Variants in SMIM35 observed in about 807,000 individuals in gnomAD.
SMIM35 encodes the protein TMPRSS4 antisense RNA 1 (non-protein coding).
At chr11:118,028,951 GA>G (rs1211407384) in intron 1 of SMIM35, 1 of 398,168 alleles carries the variant, frequency 2.5e-6, no homozygotes, top group Non-Finnish European at 5.0e-6. Flanking sequence ...AGGAGGAGGA[GA>G]AATTCGTGGC....
chr11:118,032,460 A>ACACCTTAT (rs1445964206), intron 1 of SMIM35, among the ~76,000 whole-genome samples: 1 of 152,248 alleles, frequency 6.6e-6, no homozygotes, highest in Non-Finnish European at 1.5e-5. Context: ...ATGTATATAT[A>ACACCTTAT]CACCTTATTC....
intron 1 of SMIM35, among the ~76,000 whole-genome samples, chr11:118,036,162 C>T (rs1403044966): frequency 5.3e-5 from 8 of 152,340 alleles, no homozygotes; most frequent in Non-Finnish European, 2.9e-5. Flanking sequence ...GCTGGGATTA[C>T]AGGCATGAGC....
chr11:118,062,975 G>A (rs1336083298), intron 1 of SMIM35, among the ~76,000 whole-genome samples: 2 of 152,122 alleles, frequency 1.3e-5, no homozygotes, highest in East Asian at 3.8e-4. Context: ...CCAAGATGGC[G>A]ACAAGAGTGA....
intron 1 of SMIM35, among the ~76,000 whole-genome samples, chr11:118,065,642 T>C (rs773003219): frequency 1.1e-4 from 17 of 152,184 alleles, no homozygotes; most frequent in Non-Finnish European, 1.9e-4. Flanking sequence ...ATCAGACTGA[T>C]TGTGGTCCTC....
intron 1 of SMIM35, chr11:118,028,873 T>C (rs1243818482): frequency 4.8e-6 from 2 of 415,652 alleles, no homozygotes; most frequent in Non-Finnish European, 9.6e-6. Context: ...AAGAAAAAAG[T>C]TGGGGGAGAA....
intron 1 of SMIM35, among the ~76,000 whole-genome samples, chr11:118,046,676 A>G (rs1944101215): frequency 6.6e-6 from 1 of 152,106 alleles, no homozygotes; most frequent in South Asian, 2.1e-4. Flanking sequence ...CCTGGGACCC[A>G]CTCCAGACCT....
intron 1 of SMIM35, among the ~76,000 whole-genome samples, chr11:118,040,979 A>G (rs1250410773): frequency 6.6e-6 from 1 of 151,732 alleles, no homozygotes; most frequent in East Asian, 1.9e-4. Flanking sequence ...TGTATACCAT[A>G]TATAACAATA....
At chr11:118,030,570 C>T (rs992716497) in intron 1 of SMIM35, among the ~76,000 whole-genome samples, 7 of 152,154 alleles carry the variant, frequency 4.6e-5, no homozygotes, top group Admixed American at 3.9e-4. Context: ...GGTGGAGTGG[C>T]ACTATGGTGG....
intron 1 of SMIM35, among the ~76,000 whole-genome samples, chr11:118,079,770 C>G (rs1384231724): frequency 6.6e-6 from 1 of 152,150 alleles, no homozygotes; most frequent in Non-Finnish European, 1.5e-5. Flanking sequence ...CAGTCAGGAG[C>G]CAGCCTGCGG....
chr11:118,014,850 G>C, intron 2 of SMIM35, 109 bp from the exon 3 acceptor site: 1 of 397,266 alleles, frequency 2.5e-6, no homozygotes, highest in Non-Finnish European at 4.4e-6. Context: ...GAGTAGGGTG[G>C]CTGGGCTGGA....
intron 1 of SMIM35, among the ~76,000 whole-genome samples, chr11:118,047,041 C>G (rs1944108379): frequency 6.6e-6 from 1 of 152,058 alleles, no homozygotes; most frequent in African/African-American, 2.4e-5. Context: ...CTTCCCTAAG[C>G]AAGATAAAGT....
chr11:118,027,290 G>T, intron 1 of SMIM35, among the ~76,000 whole-genome samples: 1 of 149,228 alleles, frequency 6.7e-6, no homozygotes, highest in African/African-American at 2.5e-5. Flanking sequence ...GCCTCCCAAA[G>T]TGCTGGGATT....
rs143614378 is a variant in SMIM35 at position 118,009,212 on chromosome 11, G to A, written c.*34-2836C>T. On this transcript the variant is annotated intron_variant, in intron 4 of 4. Transcript: ENST00000689828. ...CCTGAGCGCCCTTCTCACCACACAAGGAGACCCCAAAAAGAGATTAGAGAC... is the reference window on the plus strand; with the variant it reads ...CCTGAGCGCCCTTCTCACCACACAAAGAGACCCCAAAAAGAGATTAGAGAC... Among the ~76,000 whole-genome samples, 44 of 152,250 alleles carry A rather than the reference G, an allele frequency of 2.9e-4. 1 individual carries two copies. In the East Asian group the frequency reaches 7.5e-3, roughly 26 times the overall value.
At chr11:118,010,032 C>A (rs1262236271) in intron 4 of SMIM35, among the ~76,000 whole-genome samples, 2 of 152,134 alleles carry the variant, frequency 1.3e-5, no homozygotes, top group Non-Finnish European at 2.9e-5. Context: ...CTTTTCTGAC[C>A]CAAGTGCCCC....
chr11:118,073,985 A>T (rs1944614056), intron 1 of SMIM35, among the ~76,000 whole-genome samples: 1 of 152,194 alleles, frequency 6.6e-6, no homozygotes, highest in Non-Finnish European at 1.5e-5. Context: ...GCTGGACGAG[A>T]CCTGTTGGTC....
At chr11:118,053,870 A>C (rs1944264123) in intron 1 of SMIM35, among the ~76,000 whole-genome samples, 1 of 152,208 alleles carries the variant, frequency 6.6e-6, no homozygotes. Flanking sequence ...AGTTGGACCA[A>C]GACACAATCG....
chr11:118,015,532 G>T (rs796879336), intron 2 of SMIM35, among the ~76,000 whole-genome samples, 161 bp downstream of exon 2: 16 of 152,318 alleles, frequency 1.1e-4, no homozygotes, highest in African/African-American at 3.8e-4. Context: ...CACCTCAACT[G>T]CTCAGCCACC....
chr11:118,019,180 G>T (rs11216687), intron 1 of SMIM35, among the ~76,000 whole-genome samples: 20 of 152,032 alleles, frequency 1.3e-4, no homozygotes, highest in African/African-American at 9.7e-5. Flanking sequence ...TGAAAATTAT[G>T]TTAGGACCAC....
chr11:118,023,435 T>C (rs1048720253), intron 1 of SMIM35, among the ~76,000 whole-genome samples: 1 of 152,060 alleles, frequency 6.6e-6, no homozygotes, highest in Non-Finnish European at 1.5e-5. Context: ...ACATGTGCCA[T>C]ACTGGTGTGC....
Sources: allele counts gnomAD v4.1 joint callset (sites outside exome capture counted in the v4.1 genomes callset), GRCh38; gene constraint gnomAD v4.1.1; transcripts MANE v1.5; gene names NCBI Gene and HGNC (gene_info 2026-07-23, HGNC 2026-07-21).